The following KIRREL1 variants were observed in gnomAD, a reference collection of about 807,000 sequenced individuals.
KIRREL1 encodes kirre like nephrin family adhesion molecule 1.
A neutral mutation model predicts 83.3 loss-of-function variants in KIRREL1; 25 were observed. That is an observed-to-expected ratio of 0.30 (90% CI 0.22 to 0.42). KIRREL1 has a LOEUF of 0.42. KIRREL1 is among the 10% of genes least tolerant of loss of function. KIRREL1 has a pLI of 1.00. For missense variants in KIRREL1, 812 were observed against 1,032.3 expected, an observed-to-expected ratio of 0.79 and a Z score of 2.92; for synonymous variants, 388 against 410.4, an observed-to-expected ratio of 0.95 and a Z score of 0.66.
At chr1:158,000,666 T>G (rs933470429) in intron 1 of KIRREL1, among the ~76,000 whole-genome samples, 1 of 152,208 alleles carries the variant, frequency 6.6e-6, no homozygotes, top group Non-Finnish European at 1.5e-5. Flanking sequence ...ATCAGCTGAC[T>G]CCAAGCTCCC....
At chr1:158,024,568 T>G (rs1660111741) in intron 1 of KIRREL1, among the ~76,000 whole-genome samples, 1 of 152,108 alleles carries the variant, frequency 6.6e-6, no homozygotes, top group African/African-American at 2.4e-5. Flanking sequence ...TGTGAGCCAC[T>G]GCACCCGGCT....
intron 1 of KIRREL1, among the ~76,000 whole-genome samples, chr1:158,052,615 T>TA (rs1660938310): frequency 4.2e-5 from 6 of 141,344 alleles, no homozygotes. Context: ...CCATCTCTAC[T>TA]AAAAATACAA....
At chr1:158,038,011 G>A (rs1660522541) in intron 1 of KIRREL1, among the ~76,000 whole-genome samples, 2 of 152,362 alleles carry the variant, frequency 1.3e-5, no homozygotes, top group Non-Finnish European at 2.9e-5. Context: ...GGACCAGCCT[G>A]CCAGCGGCTC....
At chr1:157,999,078 A>C (rs952266633) in intron 1 of KIRREL1, among the ~76,000 whole-genome samples, 17 of 152,174 alleles carry the variant, frequency 1.1e-4, no homozygotes, top group African/African-American at 3.4e-4. Flanking sequence ...GAGTTAAGGC[A>C]GCTGTGGAAG....
At chr1:158,035,338 A>G (rs1337268600) in intron 1 of KIRREL1, among the ~76,000 whole-genome samples, 1 of 152,238 alleles carries the variant, frequency 6.6e-6, no homozygotes, top group Non-Finnish European at 1.5e-5. Context: ...GACTGCCCTC[A>G]TGGAGCCTGA....
chr1:157,996,455 T>TTG (rs533920337), intron 1 of KIRREL1, among the ~76,000 whole-genome samples: 13 of 151,810 alleles, frequency 8.6e-5, no homozygotes, highest in African/African-American at 3.1e-4. Context: ...GCTGCCTCCG[T>TTG]GGGGGGGATG....
intron 1 of KIRREL1, among the ~76,000 whole-genome samples, chr1:158,073,896 C>A (rs1163054572): frequency 6.6e-6 from 1 of 152,150 alleles, no homozygotes; most frequent in Non-Finnish European, 1.5e-5. Context: ...TGTCCAGGCT[C>A]CATGCAGGAA....
At chr1:158,076,449 C>T (rs944962156) in intron 2 of KIRREL1, among the ~76,000 whole-genome samples, 187 bp downstream of exon 2, 19 of 152,216 alleles carry the variant, frequency 1.2e-4, no homozygotes, top group Admixed American at 7.8e-4. Context: ...TCTACCTTTC[C>T]TCCCACTGAG....
chr1:158,052,244 C>T (rs577704716), intron 1 of KIRREL1, among the ~76,000 whole-genome samples: 31 of 152,286 alleles, frequency 2.0e-4, no homozygotes, highest in Non-Finnish European at 4.3e-4. Flanking sequence ...CATACATGGC[C>T]CCTGAGCCCT....
intron 1 of KIRREL1, among the ~76,000 whole-genome samples, chr1:158,000,042 C>G (rs1314233769): frequency 6.7e-6 from 1 of 150,104 alleles, no homozygotes; most frequent in Non-Finnish European, 1.5e-5. Flanking sequence ...AGAGCCAGAA[C>G]TAGAACCCAA....
intron 1 of KIRREL1, among the ~76,000 whole-genome samples, chr1:158,009,419 A>G (rs2101633586): frequency 6.6e-6 from 1 of 152,336 alleles, no homozygotes; most frequent in South Asian, 2.1e-4. Flanking sequence ...TATATGCAAA[A>G]CAGAGCCTCT....
intron 1 of KIRREL1, among the ~76,000 whole-genome samples, chr1:158,012,320 A>G (rs1326288670): frequency 6.6e-6 from 1 of 152,146 alleles, no homozygotes; most frequent in Admixed American, 6.5e-5. Flanking sequence ...AAAGAGCAAG[A>G]TCTGGAGTTC....
chr1:158,042,692 G>A (rs976402193), intron 1 of KIRREL1, among the ~76,000 whole-genome samples: 4 of 152,124 alleles, frequency 2.6e-5, no homozygotes, highest in African/African-American at 7.2e-5. Context: ...TTTTGCAGAT[G>A]AGAAAATGGA....
At position 158,088,409 on chromosome 1, in the gene KIRREL1, G is replaced by T; in HGVS notation, c.999G>T (p.Gly333=). 1 of 1,612,552 alleles carries T rather than the reference G, an allele frequency of 6.2e-7. No individual in the cohort carries two copies. The highest frequency in any genetic ancestry group is 1.1e-5 in the South Asian group (1 of 91,004). The change falls in exon 8 of 15, where the codon GGG becomes GGT. Residue 333 remains glycine (G), a synonymous_variant. Transcript: ENST00000359209. ...SDVTLTCVWV[G]NPPLTLTWTK... The stretch of plus-strand genomic sequence containing the variant: ...TGACCCTTACCTGTGTCTGGGTTGG[G>T]AATCCCCCCCTCACTCTCACCTGGA...
intron 1 of KIRREL1, among the ~76,000 whole-genome samples, chr1:158,040,751 T>C (rs1282895433): frequency 1.3e-5 from 2 of 152,122 alleles, no homozygotes; most frequent in African/African-American, 4.8e-5. Flanking sequence ...GGCTGGTCTA[T>C]TCAGAGGAGG....
chr1:158,007,391 T>TA (rs1326770809), intron 1 of KIRREL1, among the ~76,000 whole-genome samples: 1 of 151,854 alleles, frequency 6.6e-6, no homozygotes, highest in Non-Finnish European at 1.5e-5. Context: ...AGACGATTCT[T>TA]ATAGGGGGTC....
chr1:158,022,254 A>T (rs1660020617), intron 1 of KIRREL1, among the ~76,000 whole-genome samples: 1 of 152,220 alleles, frequency 6.6e-6, no homozygotes, highest in South Asian at 2.1e-4. Context: ...GATGTAAAGG[A>T]TAAGAGCATT....
intron 1 of KIRREL1, among the ~76,000 whole-genome samples, chr1:158,043,913 G>A (rs1468651108): frequency 6.6e-6 from 1 of 152,194 alleles, no homozygotes; most frequent in Non-Finnish European, 1.5e-5. Context: ...TGTGACATTA[G>A]GCAAATTACT....
In KIRREL1 at chr1:158,095,102, C is replaced by T; in HGVS notation, c.2256C>T (p.Arg752=). ...ACTACGGCCAGCGATTCCAGCAGCG[C>T]ATGCAGACTCACGTGTAGGGGCCAG... ...HSDYGQRFQQ[R]MQTHV The change falls in exon 15 of 15, where the codon CGC becomes CGT. Residue 752 remains arginine, a synonymous_variant. Transcript: ENST00000359209. 6.2e-7 allele frequency: 1 copy of T among 1,601,036 alleles called. No individual in the cohort carries two copies. Among genetic ancestry groups the T allele is most frequent in the Non-Finnish European group, 8.5e-7 (1 of 1,171,354 alleles).
Sources: gnomAD v4.1 joint callset for allele counts (sites outside exome capture counted in the v4.1 genomes callset) on GRCh38, gnomAD v4.1.1 for gene constraint, MANE v1.5 for transcripts, NCBI Gene and HGNC (gene_info 2026-07-23, HGNC 2026-07-21) for gene names.